ARHGEF10L: variants seen among roughly 807,000 people sequenced by gnomAD.
ARHGEF10L encodes Rho guanine nucleotide exchange factor 10 like.
Under a neutral mutation model 141.2 loss-of-function variants are expected in ARHGEF10L, and 69 were observed. That is an observed-to-expected ratio of 0.49 (90% CI 0.40 to 0.60). ARHGEF10L has a LOEUF of 0.60. Among genes scored for constraint, ARHGEF10L ranks in the 20% least tolerant of loss-of-function variants. The probability of loss-of-function intolerance (pLI) is 0.00; values close to 1 mark genes in which losing one functional copy is unlikely to be tolerated. For synonymous variants in ARHGEF10L, 711 were observed against 718.5 expected (o/e 0.99, Z 0.17); for missense variants, 1,482 against 1,734.3 (o/e 0.85, Z 2.58).
intron 14 of ARHGEF10L, among the ~76,000 whole-genome samples, chr1:17,626,294 CAGGA>C (rs2060383292): frequency 6.6e-6 from 1 of 152,108 alleles, no homozygotes; most frequent in Admixed American, 6.5e-5. Context: ...GTCTGGGTTG[CAGGA>C]AGGGAGTGAA....
intron 21 of ARHGEF10L, among the ~76,000 whole-genome samples, chr1:17,643,950 A>G (rs924245953): frequency 1.1e-4 from 16 of 152,278 alleles, no homozygotes; most frequent in African/African-American, 3.6e-4. Context: ...AAGGTCCCAG[A>G]GAAGGAAGAG....
chr1:17,672,766 G>T (rs553692651), intron 26 of ARHGEF10L, among the ~76,000 whole-genome samples: 3 of 152,232 alleles, frequency 2.0e-5, no homozygotes, highest in Non-Finnish European at 2.9e-5. Flanking sequence ...TGTTCAGAAG[G>T]ACTCCCTTTC....
At chr1:17,633,751 A>G (rs2060839131) in intron 16 of ARHGEF10L, among the ~76,000 whole-genome samples, 1 of 152,212 alleles carries the variant, frequency 6.6e-6, no homozygotes, top group African/African-American at 2.4e-5. Context: ...GAATCCCAGC[A>G]TAGCTCTCCC....
chr1:17,545,072 G>A (rs979795526), intron 1 of ARHGEF10L, among the ~76,000 whole-genome samples: 6 of 152,090 alleles, frequency 3.9e-5, no homozygotes, highest in South Asian at 2.1e-4. Flanking sequence ...GGGTGGGGAC[G>A]CAGCCAAACC....
chr1:17,637,791 A>G lies in ARHGEF10L; in HGVS notation c.1928-97A>G, dbSNP rs901078764. ...AGTGCTGGGATTACAGGCGTGAGCC[A>G]CCGCGCCCAGCCTCTGGATCTTTTT... On this transcript the variant is annotated intron_variant, in intron 18 of 28. Transcript: ENST00000361221. 1.5e-5 allele frequency: 17 copies of G among 1,146,392 alleles called. No individual in the cohort carries two copies. In the African/African-American group the frequency reaches 2.5e-4, roughly 17 times the overall value. 71.0% of individuals were successfully genotyped at this position (1,146,392 alleles called of 1,614,324 possible).
intron 7 of ARHGEF10L, among the ~76,000 whole-genome samples, chr1:17,608,426 C>G (rs114202024): frequency 0.012 from 1,888 of 152,378 alleles, 34 homozygotes; most frequent in African/African-American, 0.043. Flanking sequence ...GCGCAGTCCT[C>G]TCTGCTCTGG....
chr1:17,687,831 C>G, intron 27 of ARHGEF10L, 84 bp downstream of exon 27: 1 of 1,399,368 alleles, frequency 7.1e-7, no homozygotes, highest in Admixed American at 2.7e-5. Context: ...GGCAGCCCAT[C>G]CCATTTTCCC....
chr1:17,550,560 C>G (rs952328438), intron 1 of ARHGEF10L, among the ~76,000 whole-genome samples: 1 of 151,228 alleles, frequency 6.6e-6, no homozygotes, highest in Non-Finnish European at 1.5e-5. Context: ...GAGAATTGCT[C>G]GAACCCAGGA....
upstream of ARHGEF10L, among the ~76,000 whole-genome samples, chr1:17,537,350 G>A (rs1457958316): frequency 6.6e-6 from 1 of 152,152 alleles, no homozygotes; most frequent in Non-Finnish European, 1.5e-5. Flanking sequence ...TATTGATAAG[G>A]GTTCTAGGGT....
At chr1:17,649,032 G>A (rs904192894) in intron 22 of ARHGEF10L, among the ~76,000 whole-genome samples, 8 of 152,212 alleles carry the variant, frequency 5.3e-5, no homozygotes, top group Non-Finnish European at 1.2e-4. Flanking sequence ...GGCGGGAGCC[G>A]GCTTTGGCGC....
At chr1:17,635,842 C>T (rs1001726598) in intron 18 of ARHGEF10L, among the ~76,000 whole-genome samples, 25 of 152,286 alleles carry the variant, frequency 1.6e-4, no homozygotes, top group Non-Finnish European at 3.2e-4. Flanking sequence ...AACCCTGGTG[C>T]CCGAGGCATC....
intron 15 of ARHGEF10L, among the ~76,000 whole-genome samples, chr1:17,631,664 G>A (rs1293954436): frequency 6.6e-6 from 1 of 152,178 alleles, no homozygotes; most frequent in East Asian, 1.9e-4. Flanking sequence ...CACGTGACCT[G>A]TGCCATCACA....
intron 26 of ARHGEF10L, among the ~76,000 whole-genome samples, chr1:17,665,069 G>A (rs1346649500): frequency 6.6e-6 from 1 of 152,190 alleles, no homozygotes. Flanking sequence ...GGACTGGTCT[G>A]GGGGGCTCAT....
chr1:17,643,431 C>A (rs767739154), intron 21 of ARHGEF10L, among the ~76,000 whole-genome samples: 2 of 152,118 alleles, frequency 1.3e-5, no homozygotes, highest in Non-Finnish European at 2.9e-5. Context: ...CACCACCACG[C>A]CTTGTGGTCC....
intron 11 of ARHGEF10L, among the ~76,000 whole-genome samples, chr1:17,622,773 G>A (rs760285494): frequency 6.6e-6 from 1 of 152,116 alleles, no homozygotes; most frequent in Non-Finnish European, 1.5e-5. Context: ...TCTTCCTCCC[G>A]ACCAATTAAC....
At chr1:17,680,175 C>T (rs1015425943) in intron 26 of ARHGEF10L, among the ~76,000 whole-genome samples, 3 of 152,140 alleles carry the variant, frequency 2.0e-5, no homozygotes, top group Non-Finnish European at 2.9e-5. Context: ...GGACGCTGCG[C>T]GCACAGTGCC....
upstream of ARHGEF10L, among the ~76,000 whole-genome samples, chr1:17,537,054 T>C (rs1557679392): frequency 1.3e-5 from 2 of 151,664 alleles, no homozygotes; most frequent in Non-Finnish European, 2.9e-5. Context: ...TTTTATTTTA[T>C]TTTATTTTAT....
At chr1:17,543,281 A>G (rs2477739) in intron 1 of ARHGEF10L, among the ~76,000 whole-genome samples, 12,189 of 152,184 alleles carry the variant, frequency 0.08, 548 homozygotes, top group African/African-American at 0.11. Flanking sequence ...GTTAAACACA[A>G]CCATTATAAA....
At chr1:17,690,836 T>A (rs2065048076) in intron 27 of ARHGEF10L, among the ~76,000 whole-genome samples, 1 of 152,216 alleles carries the variant, frequency 6.6e-6, no homozygotes, top group Non-Finnish European at 1.5e-5. Flanking sequence ...CAGCTGCAGA[T>A]CCACCCCACG....
Sources: allele counts gnomAD v4.1 joint callset (sites outside exome capture counted in the v4.1 genomes callset), GRCh38; gene constraint gnomAD v4.1.1; transcripts MANE v1.5; gene names NCBI Gene and HGNC (gene_info 2026-07-23, HGNC 2026-07-21).